ZNF79: variants seen among roughly 807,000 people sequenced by gnomAD.
The protein encoded by ZNF79 is zinc finger protein 79.
ZNF79 carries 13 observed loss-of-function variants against 14.9 expected under a neutral mutation model. That is an observed-to-expected ratio of 0.87 (90% CI 0.57 to 1.38). ZNF79 has a LOEUF of 1.38. ZNF79 is among the 40% of genes most tolerant of loss of function. The pLI, the probability that ZNF79 is intolerant of heterozygous loss-of-function variation, is 0.00. For synonymous variants in ZNF79, 223 were observed against 235.1 expected, an observed-to-expected ratio of 0.95 and a Z score of 0.47; for missense variants, 631 against 630.6, an observed-to-expected ratio of 1.00 and a Z score of -0.01.
chr9:127,435,129 C>T lies in ZNF79; in HGVS notation c.145C>T (p.Gln49Ter). Residue 49 changes from glutamine (Q) to a stop codon, truncating the protein, a stop_gained, in exon 3 of 5, where the codon CAG becomes TAG. Coordinates refer to ENST00000342483, the MANE Select transcript of ZNF79 (RefSeq NM_007135.3). LOFTEE classifies it high-confidence loss of function. ...FFSSVTVAFA[Q>*]ERWRCLVSTP... is the part of the protein sequence containing the mutation. The stretch of plus-strand genomic sequence containing the variant: ...CAGCAGTGTGACGGTAGCTTTTGCA[C>T]AGGAAAGGTGGAGGTGCCTCGTGTC... 6.2e-7 allele frequency: 1 copy of T among 1,612,798 alleles called. No individual in the cohort carries two copies. Among genetic ancestry groups the T allele is most frequent in the East Asian group, 2.2e-5 (1 of 44,790 alleles).
rs1357276207 is a variant in ZNF79 at position 127,445,250 on chromosome 9, G to A, written c.*53G>A. 2.5e-6 allele frequency: 4 copies of A among 1,570,944 alleles called. No homozygotes were observed. Among genetic ancestry groups the A allele is most frequent in the African/African-American group, 1.4e-5 (1 of 74,054 alleles). On this transcript the variant is annotated 3_prime_UTR_variant, in exon 5 of 5. Coordinates refer to ENST00000342483, the MANE Select transcript of ZNF79 (RefSeq NM_007135.3). The stretch of plus-strand genomic sequence containing the variant: ...TCCCGGACATGCCGACTCAGGACAG[G>A]TGGGTGAGGATCTGAGAAATGCTAA...
chr9:127,443,954 A>G, intron 4 of ZNF79, 75 bp from the exon 5 acceptor site: 1 of 1,222,104 alleles, frequency 8.2e-7, no homozygotes, highest in Middle Eastern at 2.4e-4. Context: ...TGTGTGTAAG[A>G]GCTTGGCCAG....
intron 1 of ZNF79, among the ~76,000 whole-genome samples, chr9:127,427,434 A>C (rs1248690039): frequency 6.6e-6 from 1 of 151,774 alleles, no homozygotes; most frequent in Non-Finnish European, 1.5e-5. Flanking sequence ...AAAAAAAAAA[A>C]AAACACAAAA....
Position 127,435,188 on chromosome 9 carries a change from A to C in ZNF79, c.204A>C (p.Pro68=). The change falls in exon 3 of 5, where the codon CCA becomes CCC. Residue 68 remains proline (P), a synonymous_variant. Coordinates refer to ENST00000342483, the MANE Select transcript of ZNF79 (RefSeq NM_007135.3). Reference sequence around the variant, plus strand: ...GGGACAGGTTCAAGGAGGGGATACCAGGAAAGTCCAGGAGCCTTGTCCTAC... The same window carrying C: ...GGGACAGGTTCAAGGAGGGGATACCCGGAAAGTCCAGGAGCCTTGTCCTAC... ...TPRDRFKEGI[P]GKSRSLVLLG... The C allele has an allele frequency of 6.2e-7, 1 of 1,611,038 alleles. No homozygotes were observed. Among genetic ancestry groups the C allele is most frequent in the Non-Finnish European group, 8.5e-7 (1 of 1,178,778 alleles).
intron 4 of ZNF79, among the ~76,000 whole-genome samples, chr9:127,437,698 C>T (rs1335114221): frequency 6.6e-6 from 1 of 151,730 alleles, no homozygotes; most frequent in African/African-American, 2.4e-5. Flanking sequence ...CCGGTGGTTG[C>T]CCGCAATCTT....
At chr9:127,437,419 T>C (rs1833970471) in intron 4 of ZNF79, among the ~76,000 whole-genome samples, 1 of 151,922 alleles carries the variant, frequency 6.6e-6, no homozygotes, top group Non-Finnish European at 1.5e-5. Context: ...CTTCAGAAAT[T>C]GAGAGCAGTG....
At position 127,428,613 on chromosome 9, in the gene ZNF79, A is replaced by G. The variant is rs528657428; in HGVS notation, c.17-219A>G. 9.4e-6 allele frequency: 11 copies of G among 1,166,750 alleles called. No homozygotes were observed. In the East Asian group the frequency reaches 3.4e-4, roughly 37 times the overall value. The allele number at this position is 1,166,750 out of a possible 1,614,324, so 72.3% of individuals were successfully genotyped here. A position where few individuals can be genotyped will look rare whatever the true frequency, so the allele number is the denominator to read the frequency against. On this transcript the variant is annotated intron_variant, in intron 1 of 4. Coordinates refer to ENST00000342483, the MANE Select transcript of ZNF79 (RefSeq NM_007135.3). ...GCACACTGCTGCTGAGTGGTGGATC[A>G]TGGATACTTGAGAGTCTGTGAACAC...
chr9:127,429,383 A>G (rs1219235623), intron 2 of ZNF79, among the ~76,000 whole-genome samples: 1 of 151,158 alleles, frequency 6.6e-6, no homozygotes, highest in African/African-American at 2.4e-5. Context: ...CGCAGTGGTG[A>G]AATCACGACT....
chr9:127,445,254 G>A lies in ZNF79; in HGVS notation c.*57G>A. On this transcript the variant is annotated 3_prime_UTR_variant, in exon 5 of 5. Transcript: ENST00000342483. Reference sequence around the variant, plus strand: ...GGACATGCCGACTCAGGACAGGTGGGTGAGGATCTGAGAAATGCTAAAGGC... The same window carrying A: ...GGACATGCCGACTCAGGACAGGTGGATGAGGATCTGAGAAATGCTAAAGGC... 6.4e-7 allele frequency: 1 copy of A among 1,558,596 alleles called. No individual in the cohort carries two copies. Among genetic ancestry groups the A allele is most frequent in the Non-Finnish European group, 8.7e-7 (1 of 1,145,816 alleles).
chr9:127,426,014 A>T (rs999066400), intron 1 of ZNF79, among the ~76,000 whole-genome samples: 5 of 152,230 alleles, frequency 3.3e-5, no homozygotes, highest in Non-Finnish European at 5.9e-5. Context: ...CATCTTCCCC[A>T]TACTGCAAAA....
intron 4 of ZNF79, among the ~76,000 whole-genome samples, chr9:127,438,170 C>T (rs1024219215): frequency 6.6e-6 from 1 of 152,098 alleles, no homozygotes; most frequent in Admixed American, 6.5e-5. Flanking sequence ...AAGCAGACAC[C>T]GTCTACCTGG....
Position 127,444,131 on chromosome 9 carries a change from C to A in ZNF79, c.431C>A (p.Thr144Asn). The change falls in exon 5 of 5, where the codon ACC becomes AAC. Residue 144 changes from threonine (T) to asparagine (N), a missense_variant. Thr to Asn is a moderately conservative substitution (Grantham distance 65). Transcript: ENST00000342483. ...EMPPGDSDHGTSDLEKSFNLR... is the reference protein window; with the variant it reads ...EMPPGDSDHGNSDLEKSFNLR... ...CCCCCTGGGGATTCAGACCACGGGA[C>A]CAGTGACCTTGAGAAGAGCTTCAAT... 6.2e-7 allele frequency: 1 copy of A among 1,613,496 alleles called. No homozygotes were observed. Among genetic ancestry groups the A allele is most frequent in the Non-Finnish European group, 8.5e-7 (1 of 1,180,014 alleles).
chr9:127,440,291 A>G (rs1012170425), intron 4 of ZNF79, among the ~76,000 whole-genome samples: 5 of 152,168 alleles, frequency 3.3e-5, no homozygotes, highest in Non-Finnish European at 5.9e-5. Flanking sequence ...TGAAGAGGAA[A>G]GACTCTTTGG....
intron 1 of ZNF79, among the ~76,000 whole-genome samples, chr9:127,425,401 T>G (rs1293701700): frequency 1.3e-5 from 2 of 152,230 alleles, no homozygotes; most frequent in African/African-American, 4.8e-5. Flanking sequence ...ATAACACTTT[T>G]GAAAGCACCC....
At chr9:127,440,153 C>T (rs1834025605) in intron 4 of ZNF79, among the ~76,000 whole-genome samples, 2 of 152,200 alleles carry the variant, frequency 1.3e-5, no homozygotes, top group Admixed American at 6.5e-5. Context: ...TGAGCCACCG[C>T]GCCCGGCCCA....
intron 2 of ZNF79, among the ~76,000 whole-genome samples, chr9:127,432,151 A>ATTTT (rs34862357): frequency 2.2e-5 from 3 of 134,018 alleles, no homozygotes; most frequent in South Asian, 2.4e-4. Context: ...TTATTTTTAA[A>ATTTT]TTTTTTTTTT....
In ZNF79 at chr9:127,424,726, CT is replaced by C; in HGVS notation, c.-61del. The C allele has an allele frequency of 6.2e-7, 1 of 1,612,156 alleles. No homozygotes were observed. The highest frequency in any genetic ancestry group is 1.1e-5 in the South Asian group (1 of 90,842). ...GCCCTGCAGAACGGGGTGGGGGCTGCTGTAGATAGACCCTTACGCCCAGAGA... is the reference window on the plus strand; with the variant it reads ...GCCCTGCAGAACGGGGTGGGGGCTGCGTAGATAGACCCTTACGCCCAGAGA... On this transcript the variant is annotated 5_prime_UTR_variant, in exon 1 of 5. Coordinates refer to ENST00000342483, the MANE Select transcript of ZNF79 (RefSeq NM_007135.3).
chr9:127,429,725 C>T (rs1564231387), intron 2 of ZNF79, among the ~76,000 whole-genome samples: 1 of 151,916 alleles, frequency 6.6e-6, no homozygotes, highest in Non-Finnish European at 1.5e-5. Context: ...ATAGAGAAAA[C>T]ACAAAAAGTT....
At chr9:127,438,830 G>T (rs907097669) in intron 4 of ZNF79, among the ~76,000 whole-genome samples, 3 of 152,182 alleles carry the variant, frequency 2.0e-5, no homozygotes, top group African/African-American at 7.2e-5. Flanking sequence ...TGTAGCAATG[G>T]CTGGGCGCAG....
Sources: allele counts gnomAD v4.1 joint callset (sites outside exome capture counted in the v4.1 genomes callset), GRCh38; gene constraint gnomAD v4.1.1; transcripts MANE v1.5; gene names NCBI Gene and HGNC (gene_info 2026-07-23, HGNC 2026-07-21).